The following ADAMTS18 variants were observed in gnomAD, a reference collection of about 807,000 sequenced individuals.
The protein encoded by ADAMTS18 is A disintegrin and metalloproteinase with thrombospondin motifs 18.
Under a neutral mutation model 165.9 loss-of-function variants are expected in ADAMTS18, and 157 were observed. That is an observed-to-expected ratio of 0.95 (90% CI 0.83 to 1.08). The LOEUF (loss-of-function observed/expected upper bound fraction) is 1.08. Among genes scored for constraint, ADAMTS18 ranks in the 50% least tolerant of loss-of-function variants. ADAMTS18 has a pLI of 0.00. For synonymous variants in ADAMTS18, 782 were observed against 578.2 expected (o/e 1.35, Z -5.06); for missense variants, 2,040 against 1,534.0 (o/e 1.33, Z -5.51).
intron 13 of ADAMTS18, among the ~76,000 whole-genome samples, chr16:77,323,198 G>C (rs769175901): frequency 1.6e-4 from 25 of 152,110 alleles, no homozygotes; most frequent in Non-Finnish European, 3.4e-4. Flanking sequence ...AATAGAAAGA[G>C]CTCTTCTTGG....
At position 77,362,237 on chromosome 16, in the gene ADAMTS18, C is replaced by G. The variant is rs2056726450; in HGVS notation, c.1084G>C (p.Asp362His). ...PGGLLINHHADQSLNSFCQWQ... is the reference protein window; with the variant it reads ...PGGLLINHHAHQSLNSFCQWQ... Reference sequence around the variant, plus strand: ...TGACAAAAACTATTCAGAGACTGGTCTGCATGATGGTTGATCAATAATCCT... The same window carrying G: ...TGACAAAAACTATTCAGAGACTGGTGTGCATGATGGTTGATCAATAATCCT... Residue 362 changes from aspartate (D) to histidine (H), a missense_variant, in exon 7 of 23, where the codon GAC becomes CAC. By Grantham distance (81) the Asp-to-His change is moderately conservative (BLOSUM62 -1). Coordinates refer to ENST00000282849, the MANE Select transcript of ADAMTS18 (RefSeq NM_199355.4). 6.2e-7 allele frequency: 1 copy of G among 1,614,028 alleles called. No individual in the cohort carries two copies. Among genetic ancestry groups the G allele is most frequent in the Non-Finnish European group, 8.5e-7 (1 of 1,180,026 alleles).
chr16:77,428,199 G>A (rs769968499), intron 3 of ADAMTS18, among the ~76,000 whole-genome samples: 30 of 151,982 alleles, frequency 2.0e-4, no homozygotes, highest in African/African-American at 6.5e-4. Context: ...ATCTCTTCTC[G>A]GTCTCTGTAT....
intron 16 of ADAMTS18, among the ~76,000 whole-genome samples, chr16:77,315,080 T>G (rs2144626220): frequency 6.6e-6 from 1 of 152,090 alleles, no homozygotes; most frequent in African/African-American, 2.4e-5. Context: ...CTGTTCTTCC[T>G]TAGTAAATAT....
At chr16:77,314,860 G>A (rs571596638) in intron 16 of ADAMTS18, among the ~76,000 whole-genome samples, 2 of 140,324 alleles carry the variant, frequency 1.4e-5, no homozygotes, top group East Asian at 4.2e-4. Context: ...TATTTTGTAG[G>A]CACTGAACTT....
chr16:77,402,130 G>A (rs1166105874), intron 3 of ADAMTS18, among the ~76,000 whole-genome samples: 1 of 152,144 alleles, frequency 6.6e-6, no homozygotes, highest in South Asian at 2.1e-4. Flanking sequence ...TGTCCTATGG[G>A]TTCTGTTTTT....
intron 2 of ADAMTS18, 187 bp from the exon 3 acceptor site, chr16:77,431,798 C>A: frequency 1.5e-6 from 1 of 653,656 alleles, no homozygotes; most frequent in Non-Finnish European, 2.7e-6. Flanking sequence ...CTAACTCGGC[C>A]ACAGTCATTT....
intron 3 of ADAMTS18, among the ~76,000 whole-genome samples, chr16:77,384,474 A>C (rs1321258409): frequency 6.6e-6 from 1 of 152,210 alleles, no homozygotes; most frequent in African/African-American, 2.4e-5. Context: ...CACTCAAATC[A>C]TACTGACTGA....
At chr16:77,291,511 G>A (rs777719032) in intron 20 of ADAMTS18, 33 bp from the exon 21 acceptor site, 3 of 1,601,734 alleles carry the variant, frequency 1.9e-6, no homozygotes, top group South Asian at 1.1e-5. Context: ...TAAAAGTGAA[G>A]ACTGCCAGGA....
chr16:77,364,117 A>T, intron 5 of ADAMTS18, 71 bp downstream of exon 5: 2 of 1,587,908 alleles, frequency 1.3e-6, no homozygotes, highest in Non-Finnish European at 1.7e-6. Flanking sequence ...CTGCTATTCA[A>T]CCCATGCAAG....
intron 3 of ADAMTS18, among the ~76,000 whole-genome samples, chr16:77,385,789 T>A (rs1033310150): frequency 6.6e-6 from 1 of 152,182 alleles, no homozygotes; most frequent in Non-Finnish European, 1.5e-5. Flanking sequence ...ATGACCACCA[T>A]GTTGGAAACA....
chr16:77,420,198 C>A (rs1423306410), intron 3 of ADAMTS18, among the ~76,000 whole-genome samples: 1 of 151,260 alleles, frequency 6.6e-6, no homozygotes, highest in East Asian at 1.9e-4. Flanking sequence ...CATGCTGCAA[C>A]TAGTAAGTCT....
At chr16:77,312,742 A>C (rs372261843) in intron 16 of ADAMTS18, among the ~76,000 whole-genome samples, 48 of 152,336 alleles carry the variant, frequency 3.2e-4, no homozygotes, top group African/African-American at 1.1e-3. Flanking sequence ...AACCACAATA[A>C]GATACCATCT....
intron 3 of ADAMTS18, among the ~76,000 whole-genome samples, chr16:77,410,183 T>C (rs1360363997): frequency 1.3e-5 from 2 of 152,144 alleles, no homozygotes; most frequent in Non-Finnish European, 2.9e-5. Context: ...TACAATCAGA[T>C]GTAGTCTCTT....
At chr16:77,419,011 C>T (rs929766463) in intron 3 of ADAMTS18, among the ~76,000 whole-genome samples, 8 of 151,990 alleles carry the variant, frequency 5.3e-5, no homozygotes, top group African/African-American at 1.2e-4. Context: ...TAGCTGGGCA[C>T]GGTGGCAGGA....
intron 3 of ADAMTS18, among the ~76,000 whole-genome samples, chr16:77,396,705 G>C (rs2057261909): frequency 6.6e-6 from 1 of 152,078 alleles, no homozygotes; most frequent in African/African-American, 2.4e-5. Context: ...AAAACACAGA[G>C]ACCAGGTGAA....
At chr16:77,392,384 G>A (rs986121283) in intron 3 of ADAMTS18, among the ~76,000 whole-genome samples, 1 of 152,068 alleles carries the variant, frequency 6.6e-6, no homozygotes, top group Admixed American at 6.6e-5. Flanking sequence ...CCAGTATGGT[G>A]CTCCAGTGTG....
At position 77,293,078 on chromosome 16, in the gene ADAMTS18, C is replaced by T. The variant is rs765403489; in HGVS notation, c.3187G>A (p.Glu1063Lys). The change falls in exon 20 of 23, where the codon GAG becomes AAG. Residue 1063 changes from glutamate (E) to lysine (K), a missense_variant and splice_region_variant. By Grantham distance (56) the Glu-to-Lys change is moderately conservative. Coordinates refer to ENST00000282849, the MANE Select transcript of ADAMTS18 (RefSeq NM_199355.4). ...CAGCAGTGACTTCTAATCCATACCT[C>T]GCTCCACGAAGAAGCGACCCACTGT... ...RLQWVASSWS[E>K]CSATCGLGVR... The T allele has an allele frequency of 8.1e-6, 13 of 1,613,942 alleles. No individual in the cohort carries two copies. Among genetic ancestry groups the T allele is most frequent in the African/African-American group, 5.3e-5 (4 of 74,918 alleles).
At chr16:77,378,340 CA>C (rs1396279956) in intron 3 of ADAMTS18, among the ~76,000 whole-genome samples, 3 of 68,476 alleles carry the variant, frequency 4.4e-5, no homozygotes, top group East Asian at 1.1e-3. Flanking sequence ...AAAACAAAAA[CA>C]AAAAAAAACA....
At chr16:77,344,551 G>C (rs146892075) in intron 10 of ADAMTS18, among the ~76,000 whole-genome samples, 8 of 152,168 alleles carry the variant, frequency 5.3e-5, no homozygotes, top group South Asian at 2.1e-4. Context: ...ACTTAGAAAG[G>C]CTTTCAGAAC....
Sources: gnomAD v4.1 joint callset for allele counts (sites outside exome capture counted in the v4.1 genomes callset) on GRCh38, gnomAD v4.1.1 for gene constraint, MANE v1.5 for transcripts, NCBI Gene and HGNC (gene_info 2026-07-23, HGNC 2026-07-21) for gene names.